The following ACSM3 variants were observed in gnomAD, a reference collection of about 807,000 sequenced individuals.
ACSM3 encodes acyl-coenzyme A synthetase ACSM3, mitochondrial.
In ACSM3, 61 loss-of-function variants were observed where a neutral mutation model predicts 74.1. The observed-to-expected ratio is 0.82, with a 90% CI of 0.67 to 1.02. The LOEUF is 1.02. Ranked by LOEUF, ACSM3 falls within the 50% of genes least tolerant of loss-of-function variation. ACSM3 has a pLI of 0.00. For synonymous variants in ACSM3, 213 were observed against 241.5 expected, an observed-to-expected ratio of 0.88 and a Z score of 1.09; for missense variants, 660 against 697.0, an observed-to-expected ratio of 0.95 and a Z score of 0.60.
chr16:20,717,956 GGA>G (rs2079769285), intron 1 of ACSM3, among the ~76,000 whole-genome samples: 1 of 74,418 alleles, frequency 1.3e-5, no homozygotes, highest in African/African-American at 4.8e-5. Context: ...AAGAGGAAGA[GGA>G]AGAAGAAGAA....
chr16:20,726,591 A>G (rs1357711080), intron 1 of ACSM3, among the ~76,000 whole-genome samples: 1 of 152,226 alleles, frequency 6.6e-6, no homozygotes, highest in African/African-American at 2.4e-5. Context: ...TTGGGGCCTC[A>G]GTGTTTGAGA....
chr16:20,741,806 G>A, intron 1 of ACSM3: 2 of 1,543,494 alleles, frequency 1.3e-6, no homozygotes, highest in Non-Finnish European at 1.7e-6. Context: ...GTCTATCGCC[G>A]GCGCGAACTG....
chr16:20,685,572 A>T (rs965060319), intron 1 of ACSM3, among the ~76,000 whole-genome samples: 1 of 152,088 alleles, frequency 6.6e-6, no homozygotes, highest in African/African-American at 2.4e-5. Flanking sequence ...TTGTAATTCC[A>T]GTACTTTAGG....
At chr16:20,696,038 A>G (rs1414796808) in intron 1 of ACSM3, among the ~76,000 whole-genome samples, 1 of 152,230 alleles carries the variant, frequency 6.6e-6, no homozygotes, top group Non-Finnish European at 1.5e-5. Flanking sequence ...ATACACAAGT[A>G]CTTACCATCG....
chr16:20,751,317 C>CA (rs1470377934), intron 2 of ACSM3, among the ~76,000 whole-genome samples: 2 of 152,190 alleles, frequency 1.3e-5, no homozygotes, highest in Non-Finnish European at 2.9e-5. Flanking sequence ...AAATAGTTGA[C>CA]AGTTCTATAA....
chr16:20,791,665 G>A (rs2080600085), intron 10 of ACSM3, among the ~76,000 whole-genome samples: 1 of 152,180 alleles, frequency 6.6e-6, no homozygotes, highest in Non-Finnish European at 1.5e-5. Context: ...GGTGGCTTAT[G>A]CCTGTAATCT....
intron 1 of ACSM3, among the ~76,000 whole-genome samples, chr16:20,717,966 G>GAAGAAGAAA (rs2079769878): frequency 2.3e-5 from 2 of 87,648 alleles, no homozygotes; most frequent in Non-Finnish European, 4.7e-5. Context: ...GGAAGAAGAA[G>GAAGAAGAAA]AAGAAGAAGA....
upstream of ACSM3, among the ~76,000 whole-genome samples, chr16:20,762,180 A>T (rs570610174): frequency 1.5e-3 from 236 of 152,264 alleles, no homozygotes; most frequent in African/African-American, 5.6e-3. Context: ...TCTTGGATGA[A>T]TTCTTTCCTT....
chr16:20,703,352 G>A (rs1394293850), intron 1 of ACSM3: 1 of 152,208 alleles, frequency 6.6e-6, no homozygotes. Context: ...TGCAAAGAAA[G>A]TCACTGGTAG....
At chr16:20,770,276 A>C (rs2080176671) in intron 2 of ACSM3, 23 bp downstream of exon 2, 1 of 1,592,312 alleles carries the variant, frequency 6.3e-7, no homozygotes, top group African/African-American at 1.3e-5. Flanking sequence ...GGCCAGTCAG[A>C]CCACAATTTC....
rs374654742 is a variant in ACSM3, at chr16:20,790,694, T to C, written c.1326+6T>C. ...GCCTTTTTACTCATTACGTAGTAAG[T>C]GACTTACTAAATAATCTCATTTTCT... On this transcript the variant is annotated splice_donor_region_variant and intron_variant, in intron 10 of 13. Coordinates refer to ENST00000289416, the MANE Select transcript of ACSM3 (RefSeq NM_005622.4). The surrounding 1 kb of genome is among the most constrained non-coding windows in gnomAD (Gnocchi z 4.0). The C allele has an allele frequency of 3.1e-6, 5 of 1,614,064 alleles. No individual in the cohort carries two copies. The highest frequency in any genetic ancestry group is 2.2e-5 in the East Asian group (1 of 44,866).
At chr16:20,757,868 C>T (rs1479218649) in intron 3 of ACSM3, among the ~76,000 whole-genome samples, 5 of 151,804 alleles carry the variant, frequency 3.3e-5, no homozygotes, top group Non-Finnish European at 7.4e-5. Context: ...TTGTCAAAGG[C>T]CTTTTCTGCA....
chr16:20,755,580 G>A (rs1013180851), exon 3 of ACSM3: 1 of 151,396 alleles, frequency 6.6e-6, no homozygotes, highest in Admixed American at 6.6e-5. Flanking sequence ...CAGTTTCCTG[G>A]TACATAGCCG....
intron 1 of ACSM3, among the ~76,000 whole-genome samples, chr16:20,716,261 A>G (rs1454087425): frequency 6.6e-6 from 1 of 152,174 alleles, no homozygotes; most frequent in Admixed American, 6.5e-5. Flanking sequence ...GAATTTTTGT[A>G]TAGGGATTGT....
chr16:20,692,987 G>A (rs959300160), intron 1 of ACSM3, among the ~76,000 whole-genome samples: 2 of 152,000 alleles, frequency 1.3e-5, no homozygotes, highest in African/African-American at 4.8e-5. Flanking sequence ...TGGCTAACAT[G>A]ATGAAACCCT....
intron 1 of ACSM3, among the ~76,000 whole-genome samples, chr16:20,688,952 TATATGTTAACTTATTAACATATATTTA>T (rs1432202362): frequency 1.3e-5 from 2 of 148,986 alleles, no homozygotes; most frequent in African/African-American, 4.9e-5. Context: ...TAATTATAAA[TATATGTTAACTTATTAACATATATTTA>T]ATATGTTAAT....
chr16:20,713,651 T>C, intron 1 of ACSM3, among the ~76,000 whole-genome samples: 1 of 152,130 alleles, frequency 6.6e-6, no homozygotes, highest in East Asian at 1.9e-4. Flanking sequence ...GAGACTCCTG[T>C]CCTAAACAAC....
At chr16:20,724,147 C>T (rs2079796398) in intron 1 of ACSM3, among the ~76,000 whole-genome samples, 3 of 152,272 alleles carry the variant, frequency 2.0e-5, no homozygotes, top group Non-Finnish European at 2.9e-5. Flanking sequence ...AATCCTTTCC[C>T]CATTGCTTGT....
intron 1 of ACSM3, chr16:20,721,398 CGTTTTGT>C (rs2079784936): frequency 6.6e-6 from 1 of 151,720 alleles, no homozygotes; most frequent in African/African-American, 2.4e-5. Flanking sequence ...TTTTTGATAT[CGTTTTGT>C]GTTAGGGTGC....
Sources: allele counts gnomAD v4.1 joint callset (sites outside exome capture counted in the v4.1 genomes callset), GRCh38; gene constraint gnomAD v4.1.1; non-coding constraint Gnocchi (gnomAD v3.1); transcripts MANE v1.5; gene names NCBI Gene and HGNC (gene_info 2026-07-23, HGNC 2026-07-21).